MYCBP2: variants seen among roughly 807,000 people sequenced by gnomAD.
MYCBP2 encodes the protein MYC binding protein 2, also known as E3 ubiquitin-protein ligase MYCBP2.
Under a neutral mutation model 525.3 loss-of-function variants are expected in MYCBP2, and 120 were observed. The ratio of observed to expected loss-of-function variants is 0.23; its 90% CI spans 0.20 to 0.27. The LOEUF (loss-of-function observed/expected upper bound fraction) is 0.27, where lower values mean the gene tolerates loss of function less well. Ranked by LOEUF, MYCBP2 falls within the 10% of genes least tolerant of loss-of-function variation. The pLI is 1.00. For synonymous variants in MYCBP2, 1,894 were observed against 1,955.8 expected, an observed-to-expected ratio of 0.97 and a Z score of 0.83; for missense variants, 4,149 against 5,657.1, an observed-to-expected ratio of 0.73 and a Z score of 8.55.
In MYCBP2 at chr13:77,068,803, C is replaced by A; in HGVS notation, c.11933G>T (p.Arg3978Leu). 6.2e-7 allele frequency: 1 copy of A among 1,613,930 alleles called. No individual in the cohort carries two copies. Among genetic ancestry groups the A allele is most frequent in the Non-Finnish European group, 8.5e-7 (1 of 1,179,998 alleles). Residue 3978 changes from arginine (R) to leucine (L), a missense_variant, in exon 70 of 83, where the codon CGC (arginine) becomes CTC (leucine). Around this residue, in one of 21 missense-constraint regions of MYCBP2, gnomAD observed 64 missense variants for 131.2 expected, o/e 0.49. Coordinates refer to ENST00000544440, the MANE Select transcript of MYCBP2 (RefSeq NM_015057.5). ...TTCACGGACTCTGGTAGCTTCCATGCGAATAGCTTGGACAATATGAGCACA... is the reference window on the plus strand; with the variant it reads ...TTCACGGACTCTGGTAGCTTCCATGAGAATAGCTTGGACAATATGAGCACA... ...QVCAHIVQAI[R>L]MEATRVREEW...
intron 38 of MYCBP2, among the ~76,000 whole-genome samples, chr13:77,170,076 C>T (rs2058988884): frequency 6.6e-6 from 1 of 152,168 alleles, no homozygotes. Flanking sequence ...ACCATTCTGG[C>T]ACCAAACATG....
chr13:77,065,499 C>CAACT (rs1414053277), intron 72 of MYCBP2, among the ~76,000 whole-genome samples: 1 of 152,148 alleles, frequency 6.6e-6, no homozygotes, highest in Non-Finnish European at 1.5e-5. Context: ...TGACAAGGAG[C>CAACT]AACTAATCAG....
rs1566347800 is a variant in MYCBP2 at position 77,064,584 on chromosome 13, T to C, written c.12672+31A>G. 1.9e-6 allele frequency: 3 copies of C among 1,564,978 alleles called. No homozygotes were observed. In the East Asian group the frequency reaches 7.1e-5, roughly 37 times the overall value. On this transcript the variant is annotated intron_variant, in intron 73 of 82. Coordinates refer to ENST00000544440, the MANE Select transcript of MYCBP2 (RefSeq NM_015057.5). Reference sequence around the variant, plus strand: ...GAACACGCAATGATACACACCAAATTTAAAACAAAACAAAACAAAGCAAAA... The same window carrying C: ...GAACACGCAATGATACACACCAAATCTAAAACAAAACAAAACAAAGCAAAA...
chr13:77,211,811 A>G, intron 22 of MYCBP2, 145 bp downstream of exon 22: 1 of 657,926 alleles, frequency 1.5e-6, no homozygotes, highest in South Asian at 2.0e-5. Flanking sequence ...ATAAACGGAG[A>G]CATTTACAGG....
At chr13:77,231,208 G>A (rs2067088543) in intron 18 of MYCBP2, among the ~76,000 whole-genome samples, 1 of 152,158 alleles carries the variant, frequency 6.6e-6, no homozygotes, top group Non-Finnish European at 1.5e-5. Flanking sequence ...TCCTTACAGA[G>A]TGGTTACAAG....
chr13:77,228,669 T>C (rs1416374473), intron 18 of MYCBP2, among the ~76,000 whole-genome samples: 8 of 148,784 alleles, frequency 5.4e-5, no homozygotes, highest in Non-Finnish European at 1.2e-4. Flanking sequence ...AGCACATCTG[T>C]ATTTTCCCTA....
chr13:77,326,385 G>A lies in MYCBP2; in HGVS notation c.302+89C>T, dbSNP rs2082311384. The stretch of plus-strand genomic sequence containing the variant: ...TCAATAAATGCGCAGGTACACACAC[G>A]CAAGCACACACACACGCGGGTGCAC... On this transcript the variant is annotated intron_variant, in intron 1 of 82. Coordinates refer to ENST00000544440, the MANE Select transcript of MYCBP2 (RefSeq NM_015057.5). The surrounding 1 kb of genome is among the most constrained non-coding windows in gnomAD (Gnocchi z 4.2). 1.5e-6 allele frequency: 2 copies of A among 1,304,700 alleles called. No homozygotes were observed. The highest frequency in any genetic ancestry group is 1.9e-4 in the Middle Eastern group (1 of 5,158). 80.8% of individuals were successfully genotyped at this position (1,304,700 alleles called of 1,614,324 possible). A position where few individuals can be genotyped will look rare whatever the true frequency, so the allele number is the denominator to read the frequency against.
At chr13:77,069,604 C>T (rs1471651887) in intron 69 of MYCBP2, among the ~76,000 whole-genome samples, 1 of 150,316 alleles carries the variant, frequency 6.7e-6, no homozygotes, top group Admixed American at 6.6e-5. Context: ...TGCCTGTAAT[C>T]CCAGCACTTT....
chr13:77,065,480 T>C (rs1313442835), intron 72 of MYCBP2, among the ~76,000 whole-genome samples: 1 of 152,200 alleles, frequency 6.6e-6, no homozygotes, highest in African/African-American at 2.4e-5. Flanking sequence ...TAATACAATG[T>C]GTGGAAAATG....
At chr13:77,209,683 C>T (rs377042669) in intron 23 of MYCBP2, among the ~76,000 whole-genome samples, 1 of 152,124 alleles carries the variant, frequency 6.6e-6, no homozygotes, top group Non-Finnish European at 1.5e-5. Flanking sequence ...TTTCATCTAC[C>T]CTGCACAATG....
intron 15 of MYCBP2, among the ~76,000 whole-genome samples, chr13:77,250,748 T>C (rs1419938126): frequency 2.0e-5 from 3 of 152,198 alleles, no homozygotes; most frequent in African/African-American, 7.2e-5. Context: ...CAAAACTATA[T>C]ATCTAATCAA....
Position 77,044,915 on chromosome 13 carries a change from T to A in MYCBP2, c.*463A>T, listed in dbSNP as rs555444857. 1.4e-4 allele frequency: 55 copies of A among 400,482 alleles called. 1 individual carries two copies. The highest frequency in any genetic ancestry group is 9.4e-4 in the African/African-American group (46 of 48,708). The allele number at this position is 400,482 out of a possible 1,614,324, so 24.8% of individuals were successfully genotyped here. A position where few individuals can be genotyped will look rare whatever the true frequency, so the allele number is the denominator to read the frequency against. On this transcript the variant is annotated 3_prime_UTR_variant, in exon 83 of 83. Transcript: ENST00000544440. ...CCTAACACAATGTTTTTTTTTTTTT[T>A]AAATAACAGTCTAGGAAATAAACCA...
Position 77,298,069 on chromosome 13 carries a change from C to T in MYCBP2, c.303-1395G>A, listed in dbSNP as rs188542651. Among the ~76,000 whole-genome samples the T allele has an allele frequency of 2.0e-3, 304 of 152,346 alleles. 2 individuals are homozygous for T. Among genetic ancestry groups the T allele is most frequent in the Non-Finnish European group, 1.7e-3 (114 of 68,026 alleles). ...AGATAAAGTCCAAAAGCACCGACAT[C>T]GTTTAAAAGATCCTCTTCCAATAAC... On this transcript the variant is annotated intron_variant, in intron 1 of 82. Coordinates refer to ENST00000544440, the MANE Select transcript of MYCBP2 (RefSeq NM_015057.5).
At chr13:77,205,185 A>C (rs2063185667) in intron 26 of MYCBP2, 71 bp downstream of exon 26, 3 of 1,310,266 alleles carry the variant, frequency 2.3e-6, no homozygotes, top group Admixed American at 2.8e-5. Flanking sequence ...GACATTAAAT[A>C]ATAAAATAAT....
intron 2 of MYCBP2, among the ~76,000 whole-genome samples, chr13:77,291,342 T>A (rs1269265323): frequency 1.3e-5 from 2 of 152,198 alleles, no homozygotes; most frequent in Non-Finnish European, 2.9e-5. Flanking sequence ...CCCTACTTAG[T>A]AGGCTGACTA....
At position 77,191,781 on chromosome 13, in the gene MYCBP2, A is replaced by G; in HGVS notation, c.3968T>C (p.Val1323Ala). 1 of 1,614,108 alleles carries G rather than the reference A, an allele frequency of 6.2e-7. No individual in the cohort carries two copies. The highest frequency in any genetic ancestry group is 8.5e-7 in the Non-Finnish European group (1 of 1,180,000). The part of the protein sequence containing the change: ...EKYAMMFDEP[V>A]LLQAGWWYVA... ...ATACCACCACCCAGCTTGCAGGAGA[A>G]CAGGCTCATCAAACATCATTGCATA... The change falls in exon 28 of 83, where the codon GTT becomes GCT. Residue 1323 changes from valine (V) to alanine (A), a missense_variant. Around this residue, in one of 21 missense-constraint regions of MYCBP2, gnomAD observed 620 missense variants for 795.5 expected, o/e 0.78. Coordinates refer to ENST00000544440, the MANE Select transcript of MYCBP2 (RefSeq NM_015057.5).
At chr13:77,069,056 T>G (rs1377311910) in intron 69 of MYCBP2, among the ~76,000 whole-genome samples, 1 of 152,212 alleles carries the variant, frequency 6.6e-6, no homozygotes, top group Non-Finnish European at 1.5e-5. Context: ...AATCAACTAC[T>G]ATGTGCAAAC....
At chr13:77,234,351 A>G (rs1197199363) in intron 17 of MYCBP2, among the ~76,000 whole-genome samples, 1 of 151,922 alleles carries the variant, frequency 6.6e-6, no homozygotes, top group Non-Finnish European at 1.5e-5. Context: ...TTTTTTCATG[A>G]TTCTCTATTG....
At position 77,097,862 on chromosome 13, in the gene MYCBP2, T is replaced by G; in HGVS notation, c.9292A>C (p.Asn3098His). 1 of 1,613,454 alleles carries G rather than the reference T, an allele frequency of 6.2e-7. No homozygotes were observed. ...RHSLEISSAL[N>H]MFNIAPHGPD... ...CCATGGGGTGCAATATTAAACATAT[T>G]CAGTGCAGATGATATTTCTAATGAA... The change falls in exon 56 of 83, where the codon AAT (asparagine) becomes CAT (histidine). Residue 3098 changes from asparagine to histidine, a missense_variant. This residue lies in a region of MYCBP2 where 653 missense variants were observed against 744.7 expected (regional missense o/e 0.88). Coordinates refer to ENST00000544440, the MANE Select transcript of MYCBP2 (RefSeq NM_015057.5).
Sources: allele counts gnomAD v4.1 joint callset (sites outside exome capture counted in the v4.1 genomes callset), GRCh38; gene constraint gnomAD v4.1.1; regional missense constraint gnomAD v4.1.1; non-coding constraint Gnocchi (gnomAD v3.1); transcripts MANE v1.5; gene names NCBI Gene and HGNC (gene_info 2026-07-23, HGNC 2026-07-21).